The following CDH18 variants were observed in gnomAD, a reference collection of about 807,000 sequenced individuals.
CDH18 encodes the protein cadherin-18.
Under a neutral mutation model 67.9 loss-of-function variants are expected in CDH18, and 31 were observed. The observed-to-expected ratio is 0.46, with a 90% CI of 0.34 to 0.62. CDH18 has a LOEUF of 0.62. CDH18 is among the 20% of genes least tolerant of loss of function. The pLI is 0.01. For missense variants in CDH18, 890 were observed against 975.5 expected, an observed-to-expected ratio of 0.91 and a Z score of 1.17; for synonymous variants, 362 against 347.2, an observed-to-expected ratio of 1.04 and a Z score of -0.48.
intron 3 of CDH18, among the ~76,000 whole-genome samples, chr5:19,812,398 C>T (rs1581462460): frequency 6.6e-6 from 1 of 151,840 alleles, no homozygotes; most frequent in Non-Finnish European, 1.5e-5. Flanking sequence ...GCATGTAGAA[C>T]GTAGAAAACA....
intron 2 of CDH18, among the ~76,000 whole-genome samples, chr5:20,043,724 T>C (rs1740654109): frequency 6.6e-6 from 1 of 152,174 alleles, no homozygotes; most frequent in Non-Finnish European, 1.5e-5. Flanking sequence ...TTGGATTCTG[T>C]GACTTGGAAA....
chr5:19,668,435 GT>G (rs1008633978), intron 5 of CDH18, among the ~76,000 whole-genome samples: 1 of 151,876 alleles, frequency 6.6e-6, no homozygotes, highest in African/African-American at 2.4e-5. Flanking sequence ...AAGTTTCTCT[GT>G]TTTAGGGCAC....
At chr5:19,838,674 C>T in intron 3 of CDH18, 85 bp downstream of exon 3, 1 of 865,052 alleles carries the variant, frequency 1.2e-6, no homozygotes, top group South Asian at 1.6e-5. Context: ...ATTTGTCTAT[C>T]TCTTCAAATA....
intron 2 of CDH18, among the ~76,000 whole-genome samples, chr5:20,244,388 T>G (rs1444225174): frequency 6.6e-6 from 1 of 152,146 alleles, no homozygotes; most frequent in African/African-American, 2.4e-5. Context: ...CTTGTAATGA[T>G]GAGAATTCGT....
chr5:20,303,118 G>A (rs1271106832), intron 1 of CDH18, among the ~76,000 whole-genome samples: 1 of 152,038 alleles, frequency 6.6e-6, no homozygotes, highest in African/African-American at 2.4e-5. Flanking sequence ...GAATTCACAC[G>A]GCTCGTGTGT....
chr5:19,934,034 G>T (rs1347759493), intron 2 of CDH18, among the ~76,000 whole-genome samples: 1 of 151,214 alleles, frequency 6.6e-6, no homozygotes, highest in Non-Finnish European at 1.5e-5. Flanking sequence ...TCCAGTTCCG[G>T]TAGTTCCAAA....
chr5:20,543,590 AGTT>A (rs1757175376), intron 1 of CDH18, among the ~76,000 whole-genome samples: 1 of 152,142 alleles, frequency 6.6e-6, no homozygotes, highest in African/African-American at 2.4e-5. Flanking sequence ...ATAGAATAGA[AGTT>A]GTATAAAGCT....
intron 2 of CDH18, among the ~76,000 whole-genome samples, chr5:20,007,689 G>A (rs906254652): frequency 1.3e-5 from 2 of 149,134 alleles, no homozygotes; most frequent in African/African-American, 5.1e-5. Flanking sequence ...GTGTGTGTGT[G>A]TGTGTGTGTG....
At chr5:20,304,044 T>C in intron 1 of CDH18, 4 of 1,572,440 alleles carry the variant, frequency 2.5e-6, no homozygotes, top group Non-Finnish European at 3.5e-6. Context: ...ACTTCGCGTG[T>C]TCAGGCATCC....
chr5:20,411,884 A>G (rs1203320822), intron 1 of CDH18, among the ~76,000 whole-genome samples: 1 of 152,086 alleles, frequency 6.6e-6, no homozygotes, highest in African/African-American at 2.4e-5. Flanking sequence ...AAATCATAGA[A>G]GACATAAACA....
intron 1 of CDH18, among the ~76,000 whole-genome samples, chr5:20,469,785 G>C (rs1561035566): frequency 6.6e-6 from 1 of 152,016 alleles, no homozygotes; most frequent in Non-Finnish European, 1.5e-5. Context: ...CCTCATTACT[G>C]CATCCTTTAC....
chr5:20,212,903 T>C (rs200609374), intron 2 of CDH18, among the ~76,000 whole-genome samples: 1 of 152,050 alleles, frequency 6.6e-6, no homozygotes, highest in East Asian at 1.9e-4. Flanking sequence ...ATTCTCCATA[T>C]CAGCATTTTT....
chr5:19,941,292 T>C (rs55822426), intron 2 of CDH18, among the ~76,000 whole-genome samples: 10,249 of 152,144 alleles, frequency 0.067, 957 homozygotes, highest in East Asian at 0.21. Flanking sequence ...TCTAAAACTG[T>C]GAGAAATGAA....
chr5:19,661,388 T>C (rs550804048), intron 5 of CDH18, among the ~76,000 whole-genome samples: 1 of 152,056 alleles, frequency 6.6e-6, no homozygotes, highest in Non-Finnish European at 1.5e-5. Context: ...CTTGGTGTGC[T>C]TGTAAATCAA....
At position 20,112,961 on chromosome 5, in the gene CDH18, T is replaced by C. The variant is rs538501823; in HGVS notation, c.-517-120947A>G. Among the ~76,000 whole-genome samples the C allele has an allele frequency of 2.6e-5, 4 of 152,314 alleles. No homozygotes were observed. In the South Asian group the frequency reaches 8.3e-4, roughly 32 times the overall value. ...CCTGATGTGGTTAGAATCCTTCTAT[T>C]GATTTTTTAAATTAAAATTCTCATG... On this transcript the variant is annotated intron_variant, in intron 2 of 14. Transcript: ENST00000507958.
At chr5:20,299,403 TACACACACACACACACAC>T (rs56003449) in intron 1 of CDH18, among the ~76,000 whole-genome samples, 2,297 of 138,772 alleles carry the variant, frequency 0.017, 29 homozygotes, top group South Asian at 0.034. Context: ...CAACATTAGC[TACACACACACACACACAC>T]ACACACACAC....
At chr5:20,237,707 T>C (rs1474085482) in intron 2 of CDH18, among the ~76,000 whole-genome samples, 1 of 151,990 alleles carries the variant, frequency 6.6e-6, no homozygotes, top group Non-Finnish European at 1.5e-5. Flanking sequence ...GTGTCAGATG[T>C]AACACGTTTA....
intron 2 of CDH18, among the ~76,000 whole-genome samples, chr5:19,926,118 A>C (rs1340253706): frequency 6.6e-6 from 1 of 152,228 alleles, no homozygotes; most frequent in South Asian, 2.1e-4. Context: ...CAAATCTCTA[A>C]AAATTTGTTC....
At chr5:20,266,373 G>A (rs1745031527) in intron 1 of CDH18, among the ~76,000 whole-genome samples, 1 of 151,990 alleles carries the variant, frequency 6.6e-6, no homozygotes, top group Non-Finnish European at 1.5e-5. Context: ...ATAGAAATTA[G>A]AGTTACACTA....
Sources: gnomAD v4.1 joint callset for allele counts (sites outside exome capture counted in the v4.1 genomes callset) on GRCh38, gnomAD v4.1.1 for gene constraint, MANE v1.5 for transcripts, NCBI Gene and HGNC (gene_info 2026-07-23, HGNC 2026-07-21) for gene names.